MMP16: variants seen among roughly 807,000 people sequenced by gnomAD.
MMP16 encodes the protein matrix metallopeptidase 16.
Under a neutral mutation model 67.8 loss-of-function variants are expected in MMP16, and 12 were observed. That is an observed-to-expected ratio of 0.18 (90% CI 0.11 to 0.29). The LOEUF (loss-of-function observed/expected upper bound fraction) is 0.29. MMP16 is among the 10% of genes least tolerant of loss of function. The pLI, the probability that MMP16 is intolerant of heterozygous loss-of-function variation, is 1.00. For synonymous variants in MMP16, 249 were observed against 255.9 expected (o/e 0.97, Z 0.26); for missense variants, 475 against 765.7 (o/e 0.62, Z 4.48).
chr8:88,141,783 C>T (rs1170584812), intron 4 of MMP16, among the ~76,000 whole-genome samples: 1 of 152,134 alleles, frequency 6.6e-6, no homozygotes, highest in Non-Finnish European at 1.5e-5. Context: ...TATAAACTTG[C>T]TCTGCATTTC....
chr8:88,098,707 T>C (rs1809076485), intron 6 of MMP16, among the ~76,000 whole-genome samples: 2 of 151,946 alleles, frequency 1.3e-5, no homozygotes. Context: ...AGAAAACAAC[T>C]TCATTGTCTA....
chr8:88,134,457 G>C (rs1808084303), intron 4 of MMP16, among the ~76,000 whole-genome samples: 1 of 151,524 alleles, frequency 6.6e-6, no homozygotes, highest in Non-Finnish European at 1.5e-5. Flanking sequence ...TTTTTACTCA[G>C]AGAAGTACCT....
intron 6 of MMP16, among the ~76,000 whole-genome samples, chr8:88,101,015 A>T (rs1307951813): frequency 6.6e-6 from 1 of 151,802 alleles, no homozygotes; most frequent in Non-Finnish European, 1.5e-5. Flanking sequence ...ATTAGGGGAT[A>T]TACCTAACGA....
intron 1 of MMP16, among the ~76,000 whole-genome samples, chr8:88,308,534 C>A (rs774376569): frequency 6.6e-6 from 1 of 151,966 alleles, no homozygotes; most frequent in Non-Finnish European, 1.5e-5. Flanking sequence ...TAGTTCTCAA[C>A]GAAACCTGAG....
chr8:88,107,950 T>A (rs1809270579), intron 6 of MMP16, among the ~76,000 whole-genome samples: 2 of 151,140 alleles, frequency 1.3e-5, no homozygotes, highest in African/African-American at 4.8e-5. Flanking sequence ...ATAAATATAA[T>A]AATCCATGTA....
chr8:88,112,652 C>T (rs1025611135), intron 6 of MMP16, among the ~76,000 whole-genome samples: 1 of 47,360 alleles, frequency 2.1e-5, no homozygotes, highest in African/African-American at 6.5e-5. Flanking sequence ...ATTTTTCATG[C>T]ATAAGGACAG....
At chr8:88,099,174 T>C (rs1403067385) in intron 6 of MMP16, among the ~76,000 whole-genome samples, 2 of 151,662 alleles carry the variant, frequency 1.3e-5, no homozygotes, top group Non-Finnish European at 2.9e-5. Flanking sequence ...TTTTATATTA[T>C]GAAAAACAGA....
intron 1 of MMP16, among the ~76,000 whole-genome samples, chr8:88,316,842 A>G (rs1169803530): frequency 6.6e-6 from 1 of 152,188 alleles, no homozygotes; most frequent in Non-Finnish European, 1.5e-5. Flanking sequence ...AAGATTCACC[A>G]TTCTAGATGC....
intron 1 of MMP16, among the ~76,000 whole-genome samples, chr8:88,238,898 G>A (rs1809989030): frequency 6.6e-6 from 1 of 152,118 alleles, no homozygotes; most frequent in Non-Finnish European, 1.5e-5. Context: ...GCCAAGGTGG[G>A]TGGATCACTT....
chr8:88,229,685 C>T (rs958023229), intron 1 of MMP16, among the ~76,000 whole-genome samples: 1 of 149,504 alleles, frequency 6.7e-6, no homozygotes, highest in African/African-American at 2.5e-5. Context: ...GACTTAATCA[C>T]CTAGTGATTG....
intron 6 of MMP16, among the ~76,000 whole-genome samples, chr8:88,079,962 G>A (rs565697737): frequency 4.3e-4 from 65 of 152,112 alleles, no homozygotes; most frequent in Non-Finnish European, 6.0e-4. Flanking sequence ...CCTAGTTTAC[G>A]GTGTTCTGGT....
At chr8:88,241,979 A>G (rs958319433) in intron 1 of MMP16, among the ~76,000 whole-genome samples, 1 of 152,142 alleles carries the variant, frequency 6.6e-6, no homozygotes, top group Non-Finnish European at 1.5e-5. Flanking sequence ...TAAATACCAT[A>G]TTTTTGAATA....
intron 4 of MMP16, among the ~76,000 whole-genome samples, chr8:88,121,210 T>G (rs1022751359): frequency 2.0e-5 from 3 of 151,954 alleles, no homozygotes; most frequent in African/African-American, 4.8e-5. Flanking sequence ...CATTCATATT[T>G]TCCTAAGCAT....
At chr8:88,266,676 C>T (rs1332250723) in intron 1 of MMP16, among the ~76,000 whole-genome samples, 4 of 151,880 alleles carry the variant, frequency 2.6e-5, no homozygotes, top group Non-Finnish European at 5.9e-5. Flanking sequence ...TTACTGTTCT[C>T]AAAGAGACCA....
At chr8:88,210,294 T>C (rs1809493486) in intron 1 of MMP16, among the ~76,000 whole-genome samples, 1 of 152,212 alleles carries the variant, frequency 6.6e-6, no homozygotes, top group Admixed American at 6.5e-5. Flanking sequence ...TTGAGATCAC[T>C]ACATGGTTGC....
intron 3 of MMP16, among the ~76,000 whole-genome samples, chr8:88,184,428 T>C (rs2129747632): frequency 6.6e-6 from 1 of 151,874 alleles, no homozygotes; most frequent in Admixed American, 6.6e-5. Context: ...CTACAAATGC[T>C]TTTCAAGGTG....
intron 7 of MMP16, among the ~76,000 whole-genome samples, chr8:88,068,202 A>C (rs1808487673): frequency 6.6e-6 from 1 of 152,014 alleles, no homozygotes; most frequent in Non-Finnish European, 1.5e-5. Context: ...TTTGACATCC[A>C]TCTATGATTC....
intron 1 of MMP16, among the ~76,000 whole-genome samples, chr8:88,205,871 G>A (rs1220416643): frequency 6.6e-6 from 1 of 152,080 alleles, no homozygotes; most frequent in Non-Finnish European, 1.5e-5. Context: ...AAAAAATACA[G>A]CATTCTTCAC....
intron 4 of MMP16, among the ~76,000 whole-genome samples, chr8:88,151,749 C>T (rs952549500): frequency 3.2e-4 from 49 of 151,724 alleles, no homozygotes; most frequent in African/African-American, 8.5e-4. Flanking sequence ...TGAATGCCCA[C>T]GAGAGAAAGC....
Sources: gnomAD v4.1 joint callset for allele counts (sites outside exome capture counted in the v4.1 genomes callset) on GRCh38, gnomAD v4.1.1 for gene constraint, MANE v1.5 for transcripts, NCBI Gene and HGNC (gene_info 2026-07-23, HGNC 2026-07-21) for gene names.